The following GRIK4 variants were observed in gnomAD, a reference collection of about 807,000 sequenced individuals.
GRIK4 encodes glutamate ionotropic receptor kainate type subunit 4.
GRIK4 carries 40 observed loss-of-function variants against 104.9 expected under a neutral mutation model. That is an observed-to-expected ratio of 0.38 (90% CI 0.30 to 0.50). The LOEUF is 0.50. Ranked by LOEUF, GRIK4 falls within the 20% of genes least tolerant of loss-of-function variation. GRIK4 has a pLI of 0.93. For synonymous variants in GRIK4, 485 were observed against 524.9 expected, an observed-to-expected ratio of 0.92 and a Z score of 1.04; for missense variants, 1,047 against 1,308.1, an observed-to-expected ratio of 0.80 and a Z score of 3.08.
intron 1 of GRIK4, among the ~76,000 whole-genome samples, chr11:120,548,731 C>T (rs768230033): frequency 7.2e-5 from 11 of 152,158 alleles, no homozygotes; most frequent in Non-Finnish European, 1.5e-4. Flanking sequence ...AGCAGAGGCA[C>T]ATCTGTCTGT....
At chr11:120,649,000 G>T (rs1272804783) in intron 1 of GRIK4, among the ~76,000 whole-genome samples, 1 of 152,194 alleles carries the variant, frequency 6.6e-6, no homozygotes, top group Non-Finnish European at 1.5e-5. Context: ...GGAGCCTGGT[G>T]CCAGGGCCTT....
At chr11:120,545,487 T>C (rs974247708) in intron 1 of GRIK4, among the ~76,000 whole-genome samples, 5 of 152,318 alleles carry the variant, frequency 3.3e-5, no homozygotes, top group Admixed American at 2.6e-4. Flanking sequence ...AATTGCCGTA[T>C]TGTAGTAAGC....
intron 9 of GRIK4, chr11:120,868,529 A>AT (rs1954490365): frequency 2.6e-5 from 1 of 38,722 alleles, no homozygotes; most frequent in South Asian, 8.6e-4. Flanking sequence ...AGGGGTGGAA[A>AT]TGGGGGGGGG....
Position 120,985,985 on chromosome 11 carries a change from G to A in GRIK4, c.2596G>A (p.Ala866Thr), listed in dbSNP as rs533619612. ...QDSIHPRRRR[A>T]AVPPPRPPIP... is the part of the protein sequence containing the mutation. ...CAGTATCCACCCCCGCCGGCGGCGC[G>A]CCGCAGTCCCGCCGCCCCGGCCCCC... Residue 866 changes from alanine to threonine, a missense_variant, in exon 21 of 21, where the codon GCC becomes ACC. Around this residue, in one of 3 missense-constraint regions of GRIK4, gnomAD observed 440 missense variants for 652.3 expected, o/e 0.67. Transcript: ENST00000527524. The A allele has an allele frequency of 5.9e-5, 90 of 1,532,378 alleles. No homozygotes were observed. The highest frequency in any genetic ancestry group is 7.2e-5 in the Non-Finnish European group (82 of 1,140,068). The allele number at this position is 1,532,378 out of a possible 1,614,324, so 94.9% of individuals were successfully genotyped here. A position where few individuals can be genotyped will look rare whatever the true frequency, so the allele number is the denominator to read the frequency against.
intron 3 of GRIK4, among the ~76,000 whole-genome samples, chr11:120,707,078 G>C (rs1405504834): frequency 6.6e-6 from 1 of 152,168 alleles, no homozygotes; most frequent in Admixed American, 6.5e-5. Flanking sequence ...AACATTGAAC[G>C]ACCAGGCTTG....
At chr11:120,749,603 G>A (rs531421256) in intron 3 of GRIK4, among the ~76,000 whole-genome samples, 53 of 152,314 alleles carry the variant, frequency 3.5e-4, no homozygotes, top group African/African-American at 1.2e-3. Context: ...GCCTGGGTTC[G>A]TCCAGCTGAG....
intron 1 of GRIK4, among the ~76,000 whole-genome samples, chr11:120,615,750 A>C (rs1162640693): frequency 1.3e-5 from 2 of 152,146 alleles, no homozygotes; most frequent in Non-Finnish European, 2.9e-5. Context: ...GATCCCCAGG[A>C]TCCTCTTTAA....
Position 120,736,813 on chromosome 11 carries a change from A to G in GRIK4, c.83-65880A>G, listed in dbSNP as rs77664145. Among the ~76,000 whole-genome samples, 691 of 152,114 alleles carry G rather than the reference A, an allele frequency of 4.5e-3. 24 individuals carry two copies. In the East Asian group the frequency reaches 0.085, roughly 19 times the overall value. On this transcript the variant is annotated intron_variant, in intron 3 of 20. Coordinates refer to ENST00000527524, the MANE Select transcript of GRIK4 (RefSeq NM_014619.5). ...ACCCTGCCCACCTCTGTTCACTGAA[A>G]AAGGCCTAGAAAGTATGACCAAGAA...
chr11:120,942,962 T>A (rs1943759410), intron 14 of GRIK4, among the ~76,000 whole-genome samples: 1 of 152,154 alleles, frequency 6.6e-6, no homozygotes, highest in South Asian at 2.1e-4. Context: ...AAGAAGGAAT[T>A]CTGCCTTAAG....
chr11:120,892,228 A>G (rs1374492699), intron 11 of GRIK4, among the ~76,000 whole-genome samples: 1 of 152,150 alleles, frequency 6.6e-6, no homozygotes, highest in African/African-American at 2.4e-5. Flanking sequence ...GTAAAGCTGG[A>G]CCGAAGAGCA....
intron 1 of GRIK4, among the ~76,000 whole-genome samples, chr11:120,603,142 T>C (rs1440325625): frequency 2.0e-5 from 3 of 152,240 alleles, no homozygotes; most frequent in South Asian, 4.1e-4. Flanking sequence ...TGAGTCCCAC[T>C]GGCAGATAGG....
chr11:120,606,166 T>A (rs1239935012), intron 1 of GRIK4, among the ~76,000 whole-genome samples: 1 of 152,204 alleles, frequency 6.6e-6, no homozygotes, highest in Non-Finnish European at 1.5e-5. Context: ...TTTTGATATG[T>A]TTTGACGCCT....
chr11:120,791,202 A>C (rs571410026), intron 3 of GRIK4, among the ~76,000 whole-genome samples: 8 of 152,296 alleles, frequency 5.3e-5, no homozygotes, highest in African/African-American at 1.9e-4. Context: ...TGGAAGAGGA[A>C]GGGGAGCGAG....
At position 120,918,609 on chromosome 11, in the gene GRIK4, T is replaced by C. The variant is rs116020048; in HGVS notation, c.1476+13116T>C. On this transcript the variant is annotated intron_variant, in intron 13 of 20. Transcript: ENST00000527524. ...CTTGTCGATTTTTTTCCTACAAAAA[T>C]GCCTTTAGCTTGCCAAGGCATGTGC... 7.5e-3 allele frequency among the ~76,000 whole-genome samples: 1,139 copies of C among 152,316 alleles called. 19 individuals carry two copies. The highest frequency in any genetic ancestry group is 0.026 in the African/African-American group (1,092 of 41,570).
At chr11:120,812,866 C>T (rs1952857314) in intron 4 of GRIK4, among the ~76,000 whole-genome samples, 1 of 152,144 alleles carries the variant, frequency 6.6e-6, no homozygotes, top group African/African-American at 2.4e-5. Context: ...TAAAATGGCC[C>T]AGGAACAGTG....
intron 13 of GRIK4, among the ~76,000 whole-genome samples, chr11:120,927,187 T>TTATTGCC (rs5795249): frequency 6.6e-6 from 1 of 151,872 alleles, no homozygotes; most frequent in Non-Finnish European, 1.5e-5. Flanking sequence ...AGTTGGGTCT[T>TTATTGCC]TATGAACTTG....
intron 3 of GRIK4, among the ~76,000 whole-genome samples, chr11:120,686,386 A>G (rs954744052): frequency 1.3e-5 from 2 of 152,226 alleles, no homozygotes; most frequent in Non-Finnish European, 2.9e-5. Flanking sequence ...TGTGCCACTT[A>G]TAGTACCTAA....
At chr11:120,537,537 C>T (rs951640228) in intron 1 of GRIK4, among the ~76,000 whole-genome samples, 1 of 152,176 alleles carries the variant, frequency 6.6e-6, no homozygotes, top group African/African-American at 2.4e-5. Context: ...GGGAGTCCTA[C>T]CTGGATGCCC....
chr11:120,800,319 C>T (rs1702252990), intron 3 of GRIK4, among the ~76,000 whole-genome samples: 1 of 152,170 alleles, frequency 6.6e-6, no homozygotes, highest in Non-Finnish European at 1.5e-5. Context: ...AGGGGCCTGC[C>T]AGGGAGGACC....
Sources: gnomAD v4.1 joint callset for allele counts (sites outside exome capture counted in the v4.1 genomes callset) on GRCh38, gnomAD v4.1.1 for gene constraint, gnomAD v4.1.1 regional missense constraint, MANE v1.5 for transcripts, NCBI Gene and HGNC (gene_info 2026-07-23, HGNC 2026-07-21) for gene names.